Variants in PAK5 observed in about 807,000 individuals in gnomAD.
PAK5 encodes the protein serine/threonine-protein kinase PAK 5.
In PAK5, 16 loss-of-function variants were observed where a neutral mutation model predicts 65.9. The ratio of observed to expected loss-of-function variants is 0.24; its 90% confidence interval spans 0.16 to 0.37. PAK5 has a LOEUF of 0.37. PAK5 is among the 10% of genes least tolerant of loss of function. PAK5 has a pLI of 1.00. For synonymous variants in PAK5, 371 were observed against 354.9 expected (o/e 1.05, Z -0.51); for missense variants, 785 against 903.9 (o/e 0.87, Z 1.69).
chr20:9,620,959 AAGAGAG>A lies in PAK5; in HGVS notation c.204+23160_204+23165del, dbSNP rs71803029. 5.9e-3 allele frequency among the ~76,000 whole-genome samples: 865 copies of A among 147,100 alleles called. 14 individuals carry two copies. Among genetic ancestry groups the A allele is most frequent in the African/African-American group, 0.019 (754 of 39,926 alleles). On this transcript the variant is annotated intron_variant, in intron 3 of 9. Transcript: ENST00000353224. ...CAGCAGCCAGAGAAAGAGAGAGAGA[AAGAGAG>A]AGAGAGAGAGAGAGAGAGAGAACAA...
At chr20:9,709,102 G>A (rs576089548) in intron 2 of PAK5, among the ~76,000 whole-genome samples, 2 of 152,158 alleles carry the variant, frequency 1.3e-5, no homozygotes, top group East Asian at 3.9e-4. Context: ...CATTTCTTAA[G>A]GAACTTTGAC....
intron 1 of PAK5, among the ~76,000 whole-genome samples, chr20:9,713,320 A>C (rs2048100782): frequency 6.6e-6 from 1 of 151,980 alleles, no homozygotes; most frequent in South Asian, 2.1e-4. Context: ...AGATATTATC[A>C]CACTCCAGTT....
At chr20:9,722,586 TG>T (rs1270049884) in intron 1 of PAK5, among the ~76,000 whole-genome samples, 4 of 151,420 alleles carry the variant, frequency 2.6e-5, no homozygotes, top group South Asian at 2.1e-4. Flanking sequence ...CACTCCAGCC[TG>T]GGGGGACAGA....
intron 2 of PAK5, among the ~76,000 whole-genome samples, chr20:9,708,239 G>C (rs1170183435): frequency 6.6e-6 from 1 of 152,110 alleles, no homozygotes; most frequent in Non-Finnish European, 1.5e-5. Flanking sequence ...GGACCCTTTT[G>C]GAGGCAGACA....
At chr20:9,630,787 A>G (rs538977603) in intron 3 of PAK5, among the ~76,000 whole-genome samples, 2 of 152,252 alleles carry the variant, frequency 1.3e-5, no homozygotes, top group Admixed American at 6.5e-5. Context: ...AACTCCTAAC[A>G]TTTGCCTGGC....
At chr20:9,541,621 G>A (rs929938130) in intron 9 of PAK5, among the ~76,000 whole-genome samples, 1 of 152,042 alleles carries the variant, frequency 6.6e-6, no homozygotes, top group Non-Finnish European at 1.5e-5. Context: ...TGCATGGCTG[G>A]TACCTTCTTC....
At chr20:9,582,356 TGGTGA>T (rs747079213) in intron 3 of PAK5, among the ~76,000 whole-genome samples, 1 of 152,326 alleles carries the variant, frequency 6.6e-6, no homozygotes. Context: ...TGAGGAGTAC[TGGTGA>T]GGTATTTTGG....
At chr20:9,554,372 C>T (rs929799991) in intron 7 of PAK5, among the ~76,000 whole-genome samples, 1 of 152,168 alleles carries the variant, frequency 6.6e-6, no homozygotes, top group African/African-American at 2.4e-5. Flanking sequence ...CATGAGGAAG[C>T]TCAAGCCACA....
At chr20:9,808,183 C>T (rs1290773349) in intron 1 of PAK5, among the ~76,000 whole-genome samples, 1 of 152,046 alleles carries the variant, frequency 6.6e-6, no homozygotes, top group Non-Finnish European at 1.5e-5. Context: ...AAGTAAGGTG[C>T]AGGTTATAAA....
At chr20:9,747,197 C>T (rs2048518574) in intron 1 of PAK5, among the ~76,000 whole-genome samples, 1 of 152,152 alleles carries the variant, frequency 6.6e-6, no homozygotes, top group Admixed American at 6.6e-5. Context: ...TAATCAATAG[C>T]TTACCAACTA....
intron 4 of PAK5, among the ~76,000 whole-genome samples, chr20:9,569,673 C>T (rs1476608015): frequency 6.6e-6 from 1 of 152,094 alleles, no homozygotes; most frequent in Non-Finnish European, 1.5e-5. Context: ...AGCTCCTGCC[C>T]CACCACGATG....
intron 2 of PAK5, among the ~76,000 whole-genome samples, chr20:9,670,460 C>T (rs2047480734): frequency 6.6e-6 from 1 of 152,136 alleles, no homozygotes; most frequent in South Asian, 2.1e-4. Flanking sequence ...TAATGATTGC[C>T]ATTCTAACTG....
chr20:9,603,725 C>T lies in PAK5; in HGVS notation c.205-22795G>A, dbSNP rs143395558. ...GCTTATGCTGTGCTGCTATACACACCCTTTGAAGTGCCTGCTCTCCCTCTC... is the reference window on the plus strand; with the variant it reads ...GCTTATGCTGTGCTGCTATACACACTCTTTGAAGTGCCTGCTCTCCCTCTC... On this transcript the variant is annotated intron_variant, in intron 3 of 9. Coordinates refer to ENST00000353224, the MANE Select transcript of PAK5 (RefSeq NM_177990.4). Among the ~76,000 whole-genome samples, 601 of 152,166 alleles carry T rather than the reference C, an allele frequency of 3.9e-3. 4 individuals are homozygous for T. Among genetic ancestry groups the T allele is most frequent in the African/African-American group, 0.013 (520 of 41,518 alleles).
At position 9,745,149 on chromosome 20, in the gene PAK5, G is replaced by C. The variant is rs2123598156; in HGVS notation, c.-161-33714C>G. On this transcript the variant is annotated intron_variant, in intron 1 of 9. Transcript: ENST00000353224. Reference sequence around the variant, plus strand: ...TAAGTAATATTAATTACCTGACATTGGGGCTCATTCATTCTTTTTCTTCTT... The same window carrying C: ...TAAGTAATATTAATTACCTGACATTCGGGCTCATTCATTCTTTTTCTTCTT... Among the ~76,000 whole-genome samples the C allele has an allele frequency of 1.3e-5, 2 of 152,148 alleles. 1 individual carries two copies. Among genetic ancestry groups the C allele is most frequent in the African/African-American group, 4.8e-5 (2 of 41,518 alleles).
In PAK5 at chr20:9,753,237, GT is replaced by G. The variant is rs200879188; in HGVS notation, c.-161-41803del. Among the ~76,000 whole-genome samples, 791 of 152,214 alleles carry G rather than the reference GT, an allele frequency of 5.2e-3. 7 individuals are homozygous for G. Among genetic ancestry groups the G allele is most frequent in the African/African-American group, 0.017 (720 of 41,558 alleles). On this transcript the variant is annotated intron_variant, in intron 1 of 9. Transcript: ENST00000353224. ...GTGTGTTACATAGCAATAATCTATT[GT>G]TACAGTGGGAAAGTAAAGAATCAAG...
intron 1 of PAK5, among the ~76,000 whole-genome samples, chr20:9,815,736 T>C (rs545737614): frequency 3.5e-4 from 54 of 152,298 alleles, no homozygotes; most frequent in Middle Eastern, 3.4e-3. Context: ...GTTCCTTTCT[T>C]CTGCTTATTA....
At chr20:9,545,682 T>C (rs889341394) in intron 7 of PAK5, among the ~76,000 whole-genome samples, 2 of 152,152 alleles carry the variant, frequency 1.3e-5, no homozygotes, top group African/African-American at 4.8e-5. Flanking sequence ...TCTTACTGGA[T>C]ACTGTTTTTC....
At chr20:9,583,512 C>CT (rs1179329933) in intron 3 of PAK5, among the ~76,000 whole-genome samples, 3 of 152,280 alleles carry the variant, frequency 2.0e-5, no homozygotes, top group African/African-American at 4.8e-5. Context: ...AAGTTAGTGT[C>CT]TTTTTTCCTG....
At chr20:9,618,174 C>T (rs1193717408) in intron 3 of PAK5, among the ~76,000 whole-genome samples, 1 of 152,082 alleles carries the variant, frequency 6.6e-6, no homozygotes, top group African/African-American at 2.4e-5. Flanking sequence ...CTGGGCGACA[C>T]TATCAAGGGA....
Sources: allele counts gnomAD v4.1 joint callset (sites outside exome capture counted in the v4.1 genomes callset), GRCh38; gene constraint gnomAD v4.1.1; transcripts MANE v1.5; gene names NCBI Gene and HGNC (gene_info 2026-07-23, HGNC 2026-07-21).